NCR1: variants seen among roughly 807,000 people sequenced by gnomAD.
NCR1 encodes NK cell-activating receptor.
NCR1 carries 30 observed loss-of-function variants against 32.5 expected under a neutral mutation model. That is an observed-to-expected ratio of 0.92 (90% CI 0.69 to 1.25). The LOEUF (loss-of-function observed/expected upper bound fraction) is 1.25, where lower values mean the gene tolerates loss of function less well. NCR1 is among the 50% of genes most tolerant of loss of function. NCR1 has a pLI of 0.00. For missense variants in NCR1, 369 were observed against 380.7 expected (o/e 0.97, Z 0.26); for synonymous variants, 169 against 143.4 (o/e 1.18, Z -1.28).
chr19:54,933,214 C>T, the NCR1 span, among the ~76,000 whole-genome samples: 39 of 152,122 alleles, frequency 2.6e-4, no homozygotes, highest in Admixed American at 2.3e-3. Flanking sequence ...GGTGCGATCT[C>T]GGCTCACTGC....
chr19:54,910,692 A>G (rs1454687176), intron 5 of NCR1, among the ~76,000 whole-genome samples: 1 of 152,200 alleles, frequency 6.6e-6, no homozygotes, highest in Non-Finnish European at 1.5e-5. Flanking sequence ...CTTAGATTCT[A>G]GCAGGAGGAG....
Position 54,912,777 on chromosome 19 carries a change from T to C in NCR1, c.821T>C (p.Val274Ala). The change falls in exon 7 of 7, where the codon GTT becomes GCT. Residue 274 changes from valine (V) to alanine (A), a missense_variant. Physicochemically the swap from Val to Ala is moderately conservative, Grantham distance 64. Coordinates refer to ENST00000291890, the MANE Select transcript of NCR1 (RefSeq NM_004829.7). ...CTGGTGGCTCTAGTGTGGTTCCTGG[T>C]TGAAGACTGGCTCAGCAGGAAGAGG... Reference protein sequence around the residue: ...LVLVALVWFLVEDWLSRKRTR... With the variant: ...LVLVALVWFLAEDWLSRKRTR... 6.2e-7 allele frequency: 1 copy of C among 1,614,112 alleles called. No individual in the cohort carries two copies. The highest frequency in any genetic ancestry group is 8.5e-7 in the Non-Finnish European group (1 of 1,180,030).
chr19:54,906,414 G>C, intron 2 of NCR1, 80 bp downstream of exon 2: 2 of 1,602,010 alleles, frequency 1.2e-6, no homozygotes, highest in Admixed American at 1.7e-5. Flanking sequence ...GCTGGGGTGA[G>C]GGGACAGGGT....
chr19:54,898,321 G>T, the NCR1 span, among the ~76,000 whole-genome samples: 1 of 152,210 alleles, frequency 6.6e-6, no homozygotes, highest in South Asian at 2.1e-4. Flanking sequence ...CCTTGGCCCA[G>T]TGGCCAGATT....
chr19:54,903,486 A>G (rs796459538), upstream of NCR1, among the ~76,000 whole-genome samples: 7 of 135,926 alleles, frequency 5.1e-5, 1 homozygote, highest in East Asian at 7.6e-4. Context: ...ACATGTATGT[A>G]TATACATATA....
chr19:54,903,477 C>T (rs1023721120), upstream of NCR1, among the ~76,000 whole-genome samples: 6 of 135,894 alleles, frequency 4.4e-5, no homozygotes, highest in Admixed American at 1.6e-4. Context: ...TACACGGATA[C>T]ATGTATGTAT....
At chr19:54,923,433 A>C in the NCR1 span, 1 of 451,754 alleles carries the variant, frequency 2.2e-6, no homozygotes, top group East Asian at 4.6e-5. Flanking sequence ...ACTTCTTAGC[A>C]ATACTTCCTC....
chr19:54,920,419 G>T (rs1280813300), downstream of NCR1, among the ~76,000 whole-genome samples: 1 of 152,186 alleles, frequency 6.6e-6, no homozygotes, highest in African/African-American at 2.4e-5. Flanking sequence ...CAAACGTCAT[G>T]TACAAGCCCT....
chr19:54,912,120 T>G (rs73619967), intron 5 of NCR1, 48 bp from the exon 6 acceptor site: 2 of 1,513,720 alleles, frequency 1.3e-6, no homozygotes, highest in Non-Finnish European at 1.8e-6. Context: ...AGTGCTGGGG[T>G]GGAGGAGGTC....
At chr19:54,917,548 C>T (rs775849), downstream of NCR1, among the ~76,000 whole-genome samples, 99,795 of 151,862 alleles carry the variant, frequency 0.66, 33,401 homozygotes, top group African/African-American at 0.77. Flanking sequence ...CTTGAACTCC[C>T]GACCTCATGT....
the NCR1 span, chr19:54,936,478 A>G: frequency 2.0e-5 from 30 of 1,483,286 alleles, no homozygotes; most frequent in East Asian, 4.5e-5. Flanking sequence ...TAATACTCAC[A>G]TTGTGTGGAG....
chr19:54,914,886 C>T (rs1220898024), downstream of NCR1, among the ~76,000 whole-genome samples: 2 of 151,416 alleles, frequency 1.3e-5, no homozygotes, highest in Admixed American at 6.6e-5. Flanking sequence ...ACTAGAGGCG[C>T]GCGCCACCAC....
At chr19:54,932,402 T>A in the NCR1 span, among the ~76,000 whole-genome samples, 1 of 148,550 alleles carries the variant, frequency 6.7e-6, no homozygotes, top group African/African-American at 2.5e-5. Flanking sequence ...CATTCCAGTC[T>A]GGGCGACAGA....
At chr19:54,923,851 A>G in the NCR1 span, 1 of 1,614,054 alleles carries the variant, frequency 6.2e-7, no homozygotes, top group Non-Finnish European at 8.5e-7. Context: ...TGATTTCCAA[A>G]TTAGTTTCAT....
the NCR1 span, among the ~76,000 whole-genome samples, chr19:54,926,234 G>A: frequency 6.7e-6 from 1 of 149,168 alleles, no homozygotes; most frequent in Non-Finnish European, 1.5e-5. Flanking sequence ...GTGTGCTCAT[G>A]CACACACATA....
the NCR1 span, among the ~76,000 whole-genome samples, chr19:54,924,923 C>A: frequency 2.0e-5 from 3 of 152,166 alleles, no homozygotes; most frequent in East Asian, 5.8e-4. Context: ...GGTGACAGAG[C>A]GAGACTCTGC....
chr19:54,919,939 A>ATC (rs1291093054), downstream of NCR1, among the ~76,000 whole-genome samples: 1 of 152,086 alleles, frequency 6.6e-6, no homozygotes, highest in African/African-American at 2.4e-5. Context: ...CTCAGCTCCT[A>ATC]TCTCTGTATG....
chr19:54,937,971 A>T, the NCR1 span: 1 of 1,224,488 alleles, frequency 8.2e-7, no homozygotes, highest in Non-Finnish European at 1.2e-6. Flanking sequence ...CACATTTCCA[A>T]ATTTAAAAAA....
In NCR1 at chr19:54,909,520, A is replaced by C. The variant is rs200495896; in HGVS notation, c.631A>C (p.Thr211Pro). ...FPSEPVKLLV[T>P]GDIENTSLAP... ...CAGTGAGCCAGTGAAGCTCCTGGTC[A>C]CAGGTGAGGAAATGCTCAATTCCCC... Residue 211 changes from threonine (T) to proline (P), a missense_variant, in exon 4 of 7, where the codon ACA becomes CCA. Thr to Pro is a conservative substitution (Grantham distance 38). Transcript: ENST00000291890. 1.1e-4 allele frequency: 172 copies of C among 1,602,630 alleles called. No individual in the cohort carries two copies. Among genetic ancestry groups the C allele is most frequent in the Non-Finnish European group, 1.4e-4 (164 of 1,178,950 alleles).
Sources: allele counts gnomAD v4.1 joint callset (sites outside exome capture counted in the v4.1 genomes callset), GRCh38; gene constraint gnomAD v4.1.1; transcripts MANE v1.5; gene names NCBI Gene and HGNC (gene_info 2026-07-23, HGNC 2026-07-21).